Variants in AP1G1 observed in about 807,000 individuals in gnomAD.
The protein encoded by AP1G1 is AP-1 complex subunit gamma-1.
In AP1G1, 7 loss-of-function variants were observed where a neutral mutation model predicts 108.3. The ratio of observed to expected loss-of-function variants is 0.06; its 90% CI spans 0.04 to 0.12. The LOEUF (loss-of-function observed/expected upper bound fraction) is 0.12, where lower values mean the gene tolerates loss of function less well. Among genes scored for constraint, AP1G1 ranks in the 10% least tolerant of loss-of-function variants. The pLI, the probability that AP1G1 is intolerant of heterozygous loss-of-function variation, is 1.00. For synonymous variants in AP1G1, 379 were observed against 353.5 expected, an observed-to-expected ratio of 1.07 and a Z score of -0.81; for missense variants, 756 against 1,010.7, an observed-to-expected ratio of 0.75 and a Z score of 3.42.
intron 1 of AP1G1, among the ~76,000 whole-genome samples, chr16:71,800,094 G>T (rs1387902680): frequency 6.6e-6 from 1 of 151,250 alleles, no homozygotes; most frequent in African/African-American, 2.4e-5. Flanking sequence ...GCCGGGCACG[G>T]TGGCTCACGC....
At chr16:71,768,035 G>C in intron 6 of AP1G1, 1 of 770,740 alleles carries the variant, frequency 1.3e-6, no homozygotes, top group Non-Finnish European at 2.1e-6. Context: ...ACTCCTGTTA[G>C]AGCCTTACTA....
chr16:71,734,476 G>C (rs958873511), intron 22 of AP1G1, 133 bp downstream of exon 22: 2 of 732,836 alleles, frequency 2.7e-6, no homozygotes, highest in Admixed American at 4.4e-5. Flanking sequence ...GAGCAAGGAA[G>C]TTAGACCAGG....
chr16:71,766,953 T>C (rs943867435), intron 6 of AP1G1, among the ~76,000 whole-genome samples: 7 of 152,212 alleles, frequency 4.6e-5, no homozygotes, highest in African/African-American at 1.7e-4. Flanking sequence ...AAAGTTATAT[T>C]AGAGATAATA....
intron 14 of AP1G1, 89 bp from the exon 15 acceptor site, chr16:71,750,072 C>A: frequency 6.1e-6 from 9 of 1,471,210 alleles, no homozygotes; most frequent in Middle Eastern, 1.7e-4. Context: ...TAATAAAGAT[C>A]AAAACTGTGC....
At chr16:71,793,418 AAG>A (rs1338221805) in intron 1 of AP1G1, among the ~76,000 whole-genome samples, 2 of 152,198 alleles carry the variant, frequency 1.3e-5, no homozygotes, top group African/African-American at 2.4e-5. Flanking sequence ...CTGTAAGGGA[AAG>A]AGGGGAGGAG....
intron 2 of AP1G1, among the ~76,000 whole-genome samples, chr16:71,778,196 C>A (rs2031862806): frequency 6.6e-6 from 1 of 152,040 alleles, no homozygotes; most frequent in African/African-American, 2.4e-5. Context: ...TTCAATATTC[C>A]CCCATTTATA....
chr16:71,750,713 G>C (rs1040178632), intron 13 of AP1G1, among the ~76,000 whole-genome samples: 1 of 151,762 alleles, frequency 6.6e-6, no homozygotes, highest in African/African-American at 2.4e-5. Flanking sequence ...ACTGCGCCCA[G>C]CCATTACTAT....
intron 2 of AP1G1, 34 bp downstream of exon 2, chr16:71,789,245 T>C: frequency 6.3e-7 from 1 of 1,576,026 alleles, no homozygotes. Flanking sequence ...TGTCAAAGAA[T>C]ACCCTTGCTA....
chr16:71,773,291 T>G lies in AP1G1; in HGVS notation c.398A>C (p.Glu133Ala). 1 of 1,604,412 alleles carries G rather than the reference T, an allele frequency of 6.2e-7. No homozygotes were observed. The highest frequency in any genetic ancestry group is 8.5e-7 in the Non-Finnish European group (1 of 1,177,592). ...CTCTCCTGCAAGATCTCTGCACATC[T>G]CTGAGGAGCCCATGCAGCCGAGGGT... ...LCTLGCMGSS[E>A]MCRDLAGEVE... Residue 133 changes from glutamate (E) to alanine (A), a missense_variant, in exon 4 of 23, where the codon GAG (glutamate) becomes GCG (alanine). Coordinates refer to ENST00000299980, the MANE Select transcript of AP1G1 (RefSeq NM_001128.6).
At position 71,756,064 on chromosome 16, in the gene AP1G1, T is replaced by C; in HGVS notation, c.1184A>G (p.Glu395Gly). 6.2e-7 allele frequency: 1 copy of C among 1,613,352 alleles called. No homozygotes were observed. Among genetic ancestry groups the C allele is most frequent in the Non-Finnish European group, 8.5e-7 (1 of 1,179,664 alleles). The change falls in exon 12 of 23, where the codon GAA becomes GGA. Residue 395 changes from glutamate (E) to glycine (G), a missense_variant. Physicochemically the swap from Glu to Gly is moderately conservative, Grantham distance 98 (BLOSUM62 -2). This residue lies in a region of AP1G1 where 357 missense variants were observed against 366.5 expected (regional missense o/e 0.97). Coordinates refer to ENST00000299980, the MANE Select transcript of AP1G1 (RefSeq NM_001128.6). Reference protein sequence around the residue: ...LLYFLDSCEPEFKADCASGIF... With the variant: ...LLYFLDSCEPGFKADCASGIF... ...TCCAGATGCACAGTCTGCTTTAAATTCTGGCTCACACGAATCCAGAAAATA... is the reference window on the plus strand; with the variant it reads ...TCCAGATGCACAGTCTGCTTTAAATCCTGGCTCACACGAATCCAGAAAATA...
chr16:71,742,525 C>G (rs1350257809), intron 19 of AP1G1: 2 of 152,110 alleles, frequency 1.3e-5, no homozygotes, highest in Non-Finnish European at 2.9e-5. Flanking sequence ...CAATGGGCCT[C>G]ACAAATATCT....
At chr16:71,759,942 T>C (rs2030998781) in intron 10 of AP1G1, among the ~76,000 whole-genome samples, 1 of 152,162 alleles carries the variant, frequency 6.6e-6, no homozygotes, top group Non-Finnish European at 1.5e-5. Context: ...TCTCTGCTTT[T>C]ATTTGATCTA....
At chr16:71,774,102 G>A (rs1439063837) in intron 3 of AP1G1, among the ~76,000 whole-genome samples, 1 of 144,344 alleles carries the variant, frequency 6.9e-6, no homozygotes, top group African/African-American at 2.6e-5. Context: ...AGTAGGCCAG[G>A]CACAGTGGCT....
At position 71,780,679 on chromosome 16, in the gene AP1G1, G is replaced by T. The variant is rs537109831; in HGVS notation, c.202-6087C>A. 8.5e-4 allele frequency among the ~76,000 whole-genome samples: 129 copies of T among 152,050 alleles called. 2 individuals carry two copies. The highest frequency in any genetic ancestry group is 8.1e-3 in the South Asian group (39 of 4,820). ...CAGGTCTTGCTCTATCGCCCAAGCT[G>T]AAGTACAATGGCATGATCACAGTTC... On this transcript the variant is annotated intron_variant, in intron 2 of 22. Transcript: ENST00000299980.
chr16:71,745,704 TGGAGATCTATCTC>T lies in AP1G1; in HGVS notation c.1731-103_1731-91del, dbSNP rs1442992027. On this transcript the variant is annotated intron_variant, in intron 17 of 22. Transcript: ENST00000299980. Reference sequence around the variant, plus strand: ...CCATTAACTATGTTGAGCCCAAGCATGGAGATCTATCTCCCCTCCCCATCCAACACACACACTA... The same window carrying T: ...CCATTAACTATGTTGAGCCCAAGCATCCCTCCCCATCCAACACACACACTA... 42 of 1,097,094 alleles carry T rather than the reference TGGAGATCTATCTC, an allele frequency of 3.8e-5. 2 individuals are homozygous for T. The African/African-American group carries it at 5.8e-4, about 15-fold the overall frequency. 68.0% of individuals were successfully genotyped at this position (1,097,094 alleles called of 1,614,324 possible). A position where few individuals can be genotyped will look rare whatever the true frequency, so the allele number is the denominator to read the frequency against.
intron 6 of AP1G1, among the ~76,000 whole-genome samples, chr16:71,767,185 A>G (rs1246103064): frequency 6.6e-5 from 10 of 152,196 alleles, no homozygotes; most frequent in African/African-American, 2.2e-4. Flanking sequence ...AGCACATCAC[A>G]TAACATTACC....
chr16:71,805,848 C>T (rs529863796), intron 1 of AP1G1, among the ~76,000 whole-genome samples: 2 of 152,168 alleles, frequency 1.3e-5, no homozygotes, highest in Admixed American at 1.3e-4. Flanking sequence ...TGACAAAACA[C>T]TATCTATACA....
intron 5 of AP1G1, among the ~76,000 whole-genome samples, chr16:71,770,496 C>G (rs1220352405): frequency 6.6e-6 from 1 of 152,258 alleles, no homozygotes; most frequent in Non-Finnish European, 1.5e-5. Context: ...ATTTTTGAGT[C>G]TGGCAGGGTC....
chr16:71,803,196 A>G (rs1199542223), intron 1 of AP1G1, among the ~76,000 whole-genome samples: 1 of 152,208 alleles, frequency 6.6e-6, no homozygotes, highest in African/African-American at 2.4e-5. Context: ...CCTGGGTGAC[A>G]GAGTGAGACT....
Sources: gnomAD v4.1 joint callset for allele counts (sites outside exome capture counted in the v4.1 genomes callset) on GRCh38, gnomAD v4.1.1 for gene constraint, gnomAD v4.1.1 regional missense constraint, MANE v1.5 for transcripts, NCBI Gene and HGNC (gene_info 2026-07-23, HGNC 2026-07-21) for gene names.